The following HAUS7 variants were observed in gnomAD, a reference collection of about 807,000 sequenced individuals.
The protein encoded by HAUS7 is HAUS augmin-like complex subunit 7.
HAUS7 carries 3 observed loss-of-function variants against 28.4 expected under a neutral mutation model. That is an observed-to-expected ratio of 0.11 (90% confidence interval 0.05 to 0.27). The LOEUF (loss-of-function observed/expected upper bound fraction) is 0.27, where lower values mean the gene tolerates loss of function less well. Ranked by LOEUF, HAUS7 falls within the 10% of genes least tolerant of loss-of-function variation. The probability of loss-of-function intolerance (pLI) is 1.00; values close to 1 mark genes in which losing one functional copy is unlikely to be tolerated. For missense variants in HAUS7, 284 were observed against 297.3 expected (o/e 0.96, Z 0.33); for synonymous variants, 165 against 132.1 (o/e 1.25, Z -1.71).
chrX:153,474,261 C>T (rs1168898561), upstream of HAUS7, among the ~76,000 whole-genome samples: 2 of 112,506 alleles, frequency 1.8e-5, no homozygotes, highest in African/African-American at 6.5e-5. Flanking sequence ...CTTCTAGTCC[C>T]TATGCTGGGC....
At chrX:153,472,026 C>G (rs2089528781), upstream of HAUS7, among the ~76,000 whole-genome samples, 1 of 111,584 alleles carries the variant, frequency 9.0e-6, no homozygotes, top group Non-Finnish European at 1.9e-5. Context: ...AGCCCCAGCT[C>G]AGACATTCAA....
upstream of HAUS7, among the ~76,000 whole-genome samples, chrX:153,474,725 G>GGGGGC (rs1363955562): frequency 9.6e-6 from 1 of 104,676 alleles, no homozygotes; most frequent in Non-Finnish European, 2.0e-5. Context: ...GGGCGGGGGC[G>GGGGGC]GGGGCGGGGG....
upstream of HAUS7, among the ~76,000 whole-genome samples, chrX:153,474,004 G>A (rs917738694): frequency 1.3e-4 from 15 of 112,418 alleles, no homozygotes; most frequent in African/African-American, 4.8e-4. Context: ...GCAGATGGGG[G>A]AAGGGATGGA....
chrX:153,452,916 G>A (rs2089257177), intron 9 of HAUS7, among the ~76,000 whole-genome samples: 1 of 111,982 alleles, frequency 8.9e-6, no homozygotes, highest in South Asian at 3.7e-4. Flanking sequence ...AGGAGGTGGA[G>A]GTTGCAGTGA....
chrX:153,493,237 T>G (rs1363791992), intron 1 of HAUS7, among the ~76,000 whole-genome samples: 1 of 112,100 alleles, frequency 8.9e-6, no homozygotes, highest in Admixed American at 9.4e-5. Context: ...ATGAGCCTAG[T>G]GTGGACATTT....
At chrX:153,461,981 A>C in intron 4 of HAUS7, 1 of 468,312 alleles carries the variant, frequency 2.1e-6, no homozygotes, top group Non-Finnish European at 3.8e-6. Flanking sequence ...AATCGTAGAA[A>C]ACCAGCTGTA....
At chrX:153,463,799 C>T (rs762736) in intron 3 of HAUS7, among the ~76,000 whole-genome samples, 61,265 of 111,772 alleles carry the variant, frequency 0.55, 13,234 homozygotes, top group Non-Finnish European at 0.69. Flanking sequence ...CCGCACATGC[C>T]GCGCTGGCTT....
At chrX:153,468,854 G>C (rs782191902) in intron 2 of HAUS7, among the ~76,000 whole-genome samples, 42 of 112,877 alleles carry the variant, frequency 3.7e-4, no homozygotes, top group African/African-American at 1.3e-3. Context: ...TGCCAGTCCT[G>C]AACCTCCAAA....
chrX:153,484,781 C>T (rs948784373), intron 1 of HAUS7, among the ~76,000 whole-genome samples: 9 of 113,265 alleles, frequency 7.9e-5, no homozygotes, highest in African/African-American at 2.6e-4. Context: ...ATTCCACTCC[C>T]GCCACGAGGC....
Position 153,454,436 on chromosome X carries a change from C to T in HAUS7, c.1003G>A (p.Glu335Lys), listed in dbSNP as rs782725800. The T allele has an allele frequency of 6.9e-6, 8 of 1,166,779 alleles. No homozygotes were observed. The East Asian group carries it at 9.7e-5, about 14-fold the overall frequency. The part of the protein sequence containing the change: ...AVETVKKQQG[E>K]QICWGGSSSV... ...CTGCTGCCACCCCAGCAGATCTGCT[C>T]GCCTTGCTGCTTCTTCACGGTCTCC... The change falls in exon 9 of 10, where the codon GAG (glutamate) becomes AAG (lysine). Residue 335 changes from glutamate to lysine, a missense_variant. Transcript: ENST00000370211.
At chrX:153,478,109 A>G (rs2089573935) in intron 1 of HAUS7, among the ~76,000 whole-genome samples, 2 of 112,499 alleles carry the variant, frequency 1.8e-5, no homozygotes, top group South Asian at 7.4e-4. Context: ...ACCTAAGTCA[A>G]CGCTGGACAG....
intron 1 of HAUS7, among the ~76,000 whole-genome samples, chrX:153,478,337 T>C (rs1602951912): frequency 9.0e-6 from 1 of 111,684 alleles, no homozygotes; most frequent in East Asian, 2.8e-4. Context: ...CACCCCCTTA[T>C]TTGCCCCTCA....
chrX:153,476,061 C>T (rs781811059), intron 1 of HAUS7, among the ~76,000 whole-genome samples: 6 of 112,028 alleles, frequency 5.4e-5, no homozygotes, highest in Admixed American at 9.4e-5. Flanking sequence ...TGTGACTCCT[C>T]TGCTTAGCAG....
At chrX:153,462,578 G>A (rs782596901) in intron 4 of HAUS7, 32 bp downstream of exon 4, 1 of 1,078,889 alleles carries the variant, frequency 9.3e-7, no homozygotes, top group East Asian at 3.0e-5. Context: ...AAGCGTGCGT[G>A]CCGTCTGCAG....
chrX:153,447,819 G>A lies in HAUS7; in HGVS notation c.*59C>T. The A allele has an allele frequency of 1.0e-6, 1 of 987,575 alleles. No homozygotes were observed. Among genetic ancestry groups the A allele is most frequent in the Non-Finnish European group, 1.4e-6 (1 of 689,978 alleles). 81.4% of individuals were successfully genotyped at this position (987,575 alleles called of 1,213,427 possible). A position where few individuals can be genotyped will look rare whatever the true frequency, so the allele number is the denominator to read the frequency against. ...CCATCCTCGGCCAACTCGATCTTGG[G>A]AGAGGGCTTCCTGCCCGCCCCATCC... On this transcript the variant is annotated 3_prime_UTR_variant, in exon 10 of 10. Transcript: ENST00000370211.
intron 1 of HAUS7, among the ~76,000 whole-genome samples, chrX:153,488,299 T>C (rs1556988954): frequency 8.9e-6 from 1 of 112,402 alleles, no homozygotes; most frequent in African/African-American, 3.2e-5. Flanking sequence ...GGGCCGCCCC[T>C]CTCCTTCCCC....
upstream of HAUS7, among the ~76,000 whole-genome samples, chrX:153,472,307 A>G (rs2089530981): frequency 8.9e-6 from 1 of 111,931 alleles, no homozygotes; most frequent in Non-Finnish European, 1.9e-5. Flanking sequence ...GATCATCTTG[A>G]GAGGTTATGG....
At chrX:153,465,108 T>C in intron 2 of HAUS7, 53 bp from the exon 3 acceptor site, 1 of 861,880 alleles carries the variant, frequency 1.2e-6, no homozygotes, top group Admixed American at 2.3e-5. Flanking sequence ...AGAATCCCCC[T>C]GGGCCCTCTA....
chrX:153,483,433 G>T, intron 1 of HAUS7: 1 of 755,861 alleles, frequency 1.3e-6, no homozygotes, highest in Middle Eastern at 5.4e-4. Flanking sequence ...CCCGAGCCTG[G>T]ATTCATCTCC....
Sources: allele counts gnomAD v4.1 joint callset (sites outside exome capture counted in the v4.1 genomes callset), GRCh38; gene constraint gnomAD v4.1.1; transcripts MANE v1.5; gene names NCBI Gene and HGNC (gene_info 2026-07-23, HGNC 2026-07-21).